The following CCSER2 variants were observed in gnomAD, a reference collection of about 807,000 sequenced individuals.
CCSER2 encodes serine-rich coiled-coil domain-containing protein 2.
Under a neutral mutation model 92.3 loss-of-function variants are expected in CCSER2, and 46 were observed. The ratio of observed to expected loss-of-function variants is 0.50; its 90% CI spans 0.39 to 0.64. CCSER2 has a LOEUF of 0.64. Ranked by LOEUF, CCSER2 falls within the 30% of genes least tolerant of loss-of-function variation. The probability of loss-of-function intolerance (pLI) is 0.00; values close to 1 mark genes in which losing one functional copy is unlikely to be tolerated. For synonymous variants in CCSER2, 433 were observed against 431.4 expected, an observed-to-expected ratio of 1.00 and a Z score of -0.04; for missense variants, 1,244 against 1,238.9, an observed-to-expected ratio of 1.00 and a Z score of -0.06.
chr10:84,451,198 G>A (rs1394297439), intron 6 of CCSER2, among the ~76,000 whole-genome samples: 1 of 149,964 alleles, frequency 6.7e-6, no homozygotes, highest in African/African-American at 2.4e-5. Flanking sequence ...AATATGTGCT[G>A]ATGTATTTAG....
At chr10:84,403,796 C>G (rs1197693377) in intron 3 of CCSER2, among the ~76,000 whole-genome samples, 2 of 152,030 alleles carry the variant, frequency 1.3e-5, no homozygotes, top group African/African-American at 4.8e-5. Flanking sequence ...TGCCGAGAAA[C>G]AACATTTCTT....
At chr10:84,439,069 T>A (rs761747579) in intron 6 of CCSER2, among the ~76,000 whole-genome samples, 25 of 152,226 alleles carry the variant, frequency 1.6e-4, no homozygotes, top group Non-Finnish European at 2.1e-4. Flanking sequence ...TTCAGTGGGC[T>A]GCTACTATGA....
At chr10:84,418,525 C>T (rs1384128848) in intron 4 of CCSER2, among the ~76,000 whole-genome samples, 2 of 152,102 alleles carry the variant, frequency 1.3e-5, no homozygotes, top group Non-Finnish European at 2.9e-5. Flanking sequence ...AGAGGGCTGC[C>T]CTTAGAAATC....
chr10:84,365,991 C>G (rs921242049), intron 1 of CCSER2, among the ~76,000 whole-genome samples: 1 of 152,206 alleles, frequency 6.6e-6, no homozygotes, highest in Non-Finnish European at 1.5e-5. Flanking sequence ...AGACAGTTGT[C>G]TGGCATGGAT....
At chr10:84,357,737 A>C (rs2133100294) in intron 1 of CCSER2, among the ~76,000 whole-genome samples, 1 of 152,270 alleles carries the variant, frequency 6.6e-6, no homozygotes, top group South Asian at 2.1e-4. Context: ...GGCGTGAGCC[A>C]CCGCGCTCGG....
intron 3 of CCSER2, among the ~76,000 whole-genome samples, chr10:84,377,895 C>T (rs778397022): frequency 3.9e-5 from 6 of 152,068 alleles, no homozygotes; most frequent in East Asian, 1.9e-4. Flanking sequence ...ACAAATATAC[C>T]TGATTTTTAT....
intron 9 of CCSER2, among the ~76,000 whole-genome samples, chr10:84,483,956 TATA>T (rs1564711443): frequency 0.019 from 1,648 of 89,038 alleles, 51 homozygotes; most frequent in Non-Finnish European, 0.021. Context: ...GGCTAATTTA[TATA>T]TATATATATA....
At position 84,348,150 on chromosome 10, in the gene CCSER2, C is replaced by T. The variant is rs188395149; in HGVS notation, c.-40+19342C>T. 4.9e-3 allele frequency among the ~76,000 whole-genome samples: 739 copies of T among 152,326 alleles called. 4 individuals are homozygous for T. Among genetic ancestry groups the T allele is most frequent in the Middle Eastern group, 0.027 (8 of 294 alleles). ...GAGCCGAGATCACGCCACTGCACTCCAGCCTGGGCAACATTGAGCATTGAG... is the reference window on the plus strand; with the variant it reads ...GAGCCGAGATCACGCCACTGCACTCTAGCCTGGGCAACATTGAGCATTGAG... On this transcript the variant is annotated intron_variant, in intron 1 of 9. Coordinates refer to ENST00000372088, the MANE Select transcript of CCSER2 (RefSeq NM_001284240.2).
Position 84,378,432 on chromosome 10 carries a change from A to ATTT in CCSER2, c.1614+4634_1614+4636dup, listed in dbSNP as rs386371982. Among the ~76,000 whole-genome samples the ATTT allele has an allele frequency of 6.6e-3, 903 of 135,922 alleles. 12 individuals carry two copies. The highest frequency in any genetic ancestry group is 0.017 in the Admixed American group (217 of 12,728). 89.2% of individuals were successfully genotyped at this position (135,922 alleles called of 152,430 possible). On this transcript the variant is annotated intron_variant, in intron 3 of 9. Coordinates refer to ENST00000372088, the MANE Select transcript of CCSER2 (RefSeq NM_001284240.2). The stretch of plus-strand genomic sequence containing the variant: ...TTTTAAAATTATTTTTTAAAATTAA[A>ATTT]TTTTTTTTTTTTTTTTTTTGAGACG...
At chr10:84,457,329 A>AAAT (rs1845762495) in intron 6 of CCSER2, among the ~76,000 whole-genome samples, 2 of 53,126 alleles carry the variant, frequency 3.8e-5, no homozygotes, top group African/African-American at 1.2e-4. Flanking sequence ...TATTATATAT[A>AAAT]ATATATTATA....
intron 5 of CCSER2, among the ~76,000 whole-genome samples, chr10:84,437,164 GAGAGAGAGAGACAGAGAGAC>G (rs1236852167): frequency 6.6e-6 from 1 of 151,718 alleles, no homozygotes; most frequent in South Asian, 2.1e-4. Flanking sequence ...GAGAGAGAGA[GAGAGAGAGAGACAGAGAGAC>G]AGAGAGAGAC....
At chr10:84,330,628 T>A (rs569172825) in intron 1 of CCSER2, among the ~76,000 whole-genome samples, 1 of 152,268 alleles carries the variant, frequency 6.6e-6, no homozygotes, top group African/African-American at 2.4e-5. Context: ...TTCTCTTGCC[T>A]CAGCCTCCTG....
intron 1 of CCSER2, among the ~76,000 whole-genome samples, chr10:84,352,270 C>G (rs1311866727): frequency 2.0e-5 from 3 of 152,024 alleles, no homozygotes; most frequent in Non-Finnish European, 2.9e-5. Flanking sequence ...CGTCACTGCA[C>G]TCCAGCCTGG....
chr10:84,493,118 G>A (rs1029664563), intron 9 of CCSER2, among the ~76,000 whole-genome samples: 3 of 152,126 alleles, frequency 2.0e-5, no homozygotes, highest in Admixed American at 6.5e-5. Context: ...GAGTTTTAAA[G>A]TTATAAATTC....
chr10:84,423,357 A>G (rs1843249231), intron 4 of CCSER2, among the ~76,000 whole-genome samples: 1 of 152,206 alleles, frequency 6.6e-6, no homozygotes, highest in Non-Finnish European at 1.5e-5. Flanking sequence ...TTTTGTGGTT[A>G]TGGCAAATGT....
At chr10:84,472,252 T>C (rs910182703) in intron 8 of CCSER2, among the ~76,000 whole-genome samples, 4 of 151,860 alleles carry the variant, frequency 2.6e-5, no homozygotes, top group Non-Finnish European at 4.4e-5. Flanking sequence ...TAAAGGAAAA[T>C]GGCACGATAA....
intron 1 of CCSER2, among the ~76,000 whole-genome samples, chr10:84,364,341 C>T (rs1845668076): frequency 6.6e-6 from 1 of 152,154 alleles, no homozygotes; most frequent in Non-Finnish European, 1.5e-5. Context: ...TCTCATGGGA[C>T]CATCGTTGTA....
chr10:84,499,890 C>T (rs998597847), intron 9 of CCSER2: 2 of 1,613,978 alleles, frequency 1.2e-6, no homozygotes, highest in Non-Finnish European at 1.7e-6. Context: ...GTATTCTGCT[C>T]CCTCCTTCTC....
chr10:84,357,271 C>A (rs1845225932), intron 1 of CCSER2, among the ~76,000 whole-genome samples: 1 of 152,086 alleles, frequency 6.6e-6, no homozygotes, highest in Admixed American at 6.5e-5. Context: ...TCTGTTAACC[C>A]CAGAACTCCC....
Sources: gnomAD v4.1 joint callset for allele counts (sites outside exome capture counted in the v4.1 genomes callset) on GRCh38, gnomAD v4.1.1 for gene constraint, MANE v1.5 for transcripts, NCBI Gene and HGNC (gene_info 2026-07-23, HGNC 2026-07-21) for gene names.